The following ERCC6L variants were observed in gnomAD, a reference collection of about 807,000 sequenced individuals.
The protein encoded by ERCC6L is DNA excision repair protein ERCC-6-like.
Under a neutral mutation model 20.1 loss-of-function variants are expected in ERCC6L, and 7 were observed. The observed-to-expected ratio is 0.35, with a 90% CI of 0.20 to 0.65. The LOEUF (loss-of-function observed/expected upper bound fraction) is 0.65, where lower values mean the gene tolerates loss of function less well. ERCC6L is among the 30% of genes least tolerant of loss of function. The pLI is 0.69. For missense variants in ERCC6L, 592 were observed against 892.4 expected, an observed-to-expected ratio of 0.66 and a Z score of 4.29; for synonymous variants, 278 against 331.3, an observed-to-expected ratio of 0.84 and a Z score of 1.75.
At position 72,210,063 on chromosome X, in the gene ERCC6L, G is replaced by C. The variant is rs757025519; in HGVS notation, c.69-1365C>G. 1.0e-4 allele frequency among the ~76,000 whole-genome samples: 11 copies of C among 108,868 alleles called. No individual in the cohort carries two copies. In the East Asian group the frequency reaches 2.3e-3, roughly 23 times the overall value. 94.5% of individuals were successfully genotyped at this position (108,868 alleles called of 115,157 possible). Reference sequence around the variant, plus strand: ...GATGCCGAACACACAAGCAACCAGAGGGGGGGAAGAGATATACAGGGCCGG... The same window carrying C: ...GATGCCGAACACACAAGCAACCAGACGGGGGGAAGAGATATACAGGGCCGG... On this transcript the variant is annotated intron_variant, in intron 1 of 1. Transcript: ENST00000334463.
intron 1 of ERCC6L, among the ~76,000 whole-genome samples, chrX:72,234,108 T>A (rs2043002624): frequency 9.2e-6 from 1 of 108,413 alleles, no homozygotes; most frequent in Non-Finnish European, 1.9e-5. Context: ...AGACTCCGTC[T>A]CAAAAAAAAA....
In ERCC6L at chrX:72,205,475, ACCT is replaced by A; in HGVS notation, c.3289_3291del (p.Arg1097del). The A allele has an allele frequency of 1.7e-6, 2 of 1,210,836 alleles. No individual in the cohort carries two copies. The highest frequency in any genetic ancestry group is 1.1e-6 in the Non-Finnish European group (1 of 895,197). ...TGGTCTAAAACCATATTAATAAGAG[ACCT>A]CCTAGAAGCCAGAGATCTTCTAGAG... On this transcript the variant is annotated inframe_deletion, in exon 2 of 2. Transcript: ENST00000334463.
In ERCC6L at chrX:72,205,520, C is replaced by T. The variant is rs760489524; in HGVS notation, c.3247G>A (p.Val1083Ile). The change falls in exon 2 of 2, where the codon GTA (valine) becomes ATA (isoleucine). Residue 1083 changes from valine to isoleucine, a missense_variant. Val to Ile is a conservative substitution (Grantham distance 29, BLOSUM62 3). Around this residue, in one of 3 missense-constraint regions of ERCC6L, gnomAD observed 352 missense variants for 402.6 expected, o/e 0.87. Coordinates refer to ENST00000334463, the MANE Select transcript of ERCC6L (RefSeq NM_017669.4). ...CTTCTAGAGTTCATAGACTTATTTA[C>T]ACTACTGGGTATTTGAGATGAAAAG... Reference protein sequence around the residue: ...RFFSSQIPSSVNKSMNSRRSL... With the variant: ...RFFSSQIPSSINKSMNSRRSL... 3 of 1,211,685 alleles carry T rather than the reference C, an allele frequency of 2.5e-6. No homozygotes were observed. The highest frequency in any genetic ancestry group is 1.8e-5 in the South Asian group (1 of 56,948).
Position 72,205,795 on chromosome X carries a change from C to T in ERCC6L, c.2972G>A (p.Gly991Glu), listed in dbSNP as rs776838613. ...LCGSAPNSRA[G>E]FVHSKTCLSW... ...GAGACATGTTTTGCTATGCACAAACCCTGCTCTGGAATTAGGTGCAGAGCC... is the reference window on the plus strand; with the variant it reads ...GAGACATGTTTTGCTATGCACAAACTCTGCTCTGGAATTAGGTGCAGAGCC... The change falls in exon 2 of 2, where the codon GGG (glycine) becomes GAG (glutamate). Residue 991 changes from glycine (G) to glutamate (E), a missense_variant. Transcript: ENST00000334463. 2.5e-6 allele frequency: 3 copies of T among 1,211,777 alleles called. No homozygotes were observed. Among genetic ancestry groups the T allele is most frequent in the South Asian group, 3.5e-5 (2 of 56,991 alleles).
intron 1 of ERCC6L, among the ~76,000 whole-genome samples, chrX:72,231,581 T>A (rs1368783590): frequency 9.1e-6 from 1 of 110,135 alleles, no homozygotes; most frequent in Non-Finnish European, 1.9e-5. Context: ...AGACAGGGTC[T>A]CCCTCTGTCA....
intron 1 of ERCC6L, among the ~76,000 whole-genome samples, chrX:72,233,037 C>G (rs780326238): frequency 3.1e-4 from 35 of 111,116 alleles, no homozygotes; most frequent in African/African-American, 1.0e-3. Context: ...CTATCCTGAA[C>G]GTATTACTTC....
chrX:72,223,162 C>A (rs1399114928), intron 1 of ERCC6L, among the ~76,000 whole-genome samples: 1 of 98,916 alleles, frequency 1.0e-5, no homozygotes, highest in East Asian at 3.5e-4. Flanking sequence ...TGGTGAAACC[C>A]CGTCTCTACT....
At position 72,204,980 on chromosome X, in the gene ERCC6L, T is replaced by C; in HGVS notation, c.*34A>G. 1 of 1,100,189 alleles carries C rather than the reference T, an allele frequency of 9.1e-7. No individual in the cohort carries two copies. The allele number at this position is 1,100,189 out of a possible 1,213,427, so 90.7% of individuals were successfully genotyped here. A position where few individuals can be genotyped will look rare whatever the true frequency, so the allele number is the denominator to read the frequency against. ...GGAACAAAAATTCCCTCATATTCAG[T>C]TTCACTTTAAAATACAATAAACAGG... On this transcript the variant is annotated 3_prime_UTR_variant, in exon 2 of 2. Coordinates refer to ENST00000334463, the MANE Select transcript of ERCC6L (RefSeq NM_017669.4).
intron 1 of ERCC6L, among the ~76,000 whole-genome samples, chrX:72,217,849 A>G (rs2042895157): frequency 9.0e-6 from 1 of 111,370 alleles, no homozygotes; most frequent in Non-Finnish European, 1.9e-5. Context: ...TCTTGCTTCT[A>G]TTCCATTGAT....
chrX:72,210,576 G>A (rs998647468), intron 1 of ERCC6L, among the ~76,000 whole-genome samples: 26 of 111,613 alleles, frequency 2.3e-4, no homozygotes, highest in Non-Finnish European at 4.5e-4. Flanking sequence ...CTGGGGTTCT[G>A]TGTAACTCTA....
At position 72,238,890 on chromosome X, in the gene ERCC6L, G is replaced by A. The variant is rs1332305566; in HGVS notation, c.22C>T (p.Pro8Ser). The stretch of plus-strand genomic sequence containing the variant: ...TCTGGGCTCAAGGCCTCGGCTTCCG[G>A]AAACCTTCGGGATGCCTCCATGACC... MEASRRF[P>S]EAEALSPEQA... Residue 8 changes from proline (P) to serine (S), a missense_variant, in exon 1 of 2, where the codon CCG becomes TCG. Pro to Ser is a moderately conservative substitution (Grantham distance 74, BLOSUM62 -1). Around this residue, in one of 3 missense-constraint regions of ERCC6L, gnomAD observed 44 missense variants for 49.8 expected, o/e 0.88. Coordinates refer to ENST00000334463, the MANE Select transcript of ERCC6L (RefSeq NM_017669.4). The A allele has an allele frequency of 8.4e-7, 1 of 1,195,329 alleles. No individual in the cohort carries two copies. Among genetic ancestry groups the A allele is most frequent in the Admixed American group, 2.3e-5 (1 of 44,333 alleles).
At chrX:72,228,128 G>A (rs994002808) in intron 1 of ERCC6L, among the ~76,000 whole-genome samples, 16 of 112,206 alleles carry the variant, frequency 1.4e-4, no homozygotes, top group African/African-American at 4.5e-4. Flanking sequence ...GTGAGGTCCC[G>A]TTCCAGCCAA....
intron 1 of ERCC6L, among the ~76,000 whole-genome samples, chrX:72,224,623 A>G (rs1226625307): frequency 9.0e-6 from 1 of 111,137 alleles, no homozygotes; most frequent in Non-Finnish European, 1.9e-5. Flanking sequence ...GTGCATGCCT[A>G]TAATCCCAGC....
At chrX:72,223,059 G>A (rs1001208732) in intron 1 of ERCC6L, among the ~76,000 whole-genome samples, 3 of 105,501 alleles carry the variant, frequency 2.8e-5, no homozygotes, top group African/African-American at 1.0e-4. Context: ...AAGGTCAGCC[G>A]GGTGCAGTGG....
At chrX:72,212,620 G>GAAC (rs749595897) in intron 1 of ERCC6L, among the ~76,000 whole-genome samples, 35 of 112,175 alleles carry the variant, frequency 3.1e-4, no homozygotes, top group African/African-American at 1.1e-3. Context: ...GGGCCCTTTA[G>GAAC]AACATTCCCT....
chrX:72,216,587 CTCAG>C (rs1380366840), intron 1 of ERCC6L, among the ~76,000 whole-genome samples: 1 of 111,752 alleles, frequency 8.9e-6, no homozygotes, highest in Non-Finnish European at 1.9e-5. Context: ...TCTCCCACCC[CTCAG>C]TGACATCTAA....
Position 72,206,925 on chromosome X carries a change from G to T in ERCC6L, c.1842C>A (p.Asn614Lys). ...CTTGTTTACTAAAATATCGGAAAGG[G>T]TTCTTTTTTTCACCAGTAGTTTGTC... is the stretch of plus-strand genomic sequence containing the variant. The part of the protein sequence containing the change: ...LIRQTTGEKK[N>K]PFRYFSKQEL... Residue 614 changes from asparagine (N) to lysine (K), a missense_variant, in exon 2 of 2, where the codon AAC becomes AAA. By Grantham distance (94) the Asn-to-Lys change is moderately conservative. Around this residue, in one of 3 missense-constraint regions of ERCC6L, gnomAD observed 196 missense variants for 440.1 expected, o/e 0.45. Transcript: ENST00000334463. 8.3e-7 allele frequency: 1 copy of T among 1,210,853 alleles called. No individual in the cohort carries two copies. The highest frequency in any genetic ancestry group is 1.8e-5 in the South Asian group (1 of 56,738).
At chrX:72,232,683 A>G (rs1445089594) in intron 1 of ERCC6L, among the ~76,000 whole-genome samples, 1 of 111,201 alleles carries the variant, frequency 9.0e-6, no homozygotes, top group Non-Finnish European at 1.9e-5. Context: ...GGTGGCACCC[A>G]CCTGTAATCC....
chrX:72,219,082 C>T (rs1306667323), intron 1 of ERCC6L, among the ~76,000 whole-genome samples: 1 of 111,400 alleles, frequency 9.0e-6, no homozygotes, highest in East Asian at 2.8e-4. Context: ...GCAGTGAAAC[C>T]CCGTCCCTAC....
Sources: allele counts gnomAD v4.1 joint callset (sites outside exome capture counted in the v4.1 genomes callset), GRCh38; gene constraint gnomAD v4.1.1; regional missense constraint gnomAD v4.1.1; transcripts MANE v1.5; gene names NCBI Gene and HGNC (gene_info 2026-07-23, HGNC 2026-07-21).